The following TENT4A variants were observed in gnomAD, a reference collection of about 807,000 sequenced individuals.
TENT4A encodes DNA polymerase kappa.
TENT4A carries 7 observed loss-of-function variants against 72.8 expected under a neutral mutation model. The ratio of observed to expected loss-of-function variants is 0.10; its 90% CI spans 0.05 to 0.18. The LOEUF (loss-of-function observed/expected upper bound fraction) is 0.18, where lower values mean the gene tolerates loss of function less well. Ranked by LOEUF, TENT4A falls within the 10% of genes least tolerant of loss-of-function variation. The pLI, the probability that TENT4A is intolerant of heterozygous loss-of-function variation, is 1.00. For synonymous variants in TENT4A, 456 were observed against 434.3 expected, an observed-to-expected ratio of 1.05 and a Z score of -0.62; for missense variants, 831 against 1,017.7, an observed-to-expected ratio of 0.82 and a Z score of 2.50.
intron 1 of TENT4A, among the ~76,000 whole-genome samples, chr5:6,715,456 C>A (rs1198977495): frequency 6.6e-6 from 1 of 152,146 alleles, no homozygotes; most frequent in Non-Finnish European, 1.5e-5. Context: ...TGAGGCTGTT[C>A]AGGTGTGATG....
intron 4 of TENT4A, among the ~76,000 whole-genome samples, chr5:6,740,742 C>T (rs416689): frequency 0.36 from 55,088 of 152,090 alleles, 10,050 homozygotes; most frequent in South Asian, 0.45. Flanking sequence ...TGGACCAGAG[C>T]GAGCAGGCAG....
rs755913044 is a variant in TENT4A at position 6,748,555 on chromosome 5, G to A, written c.1551G>A (p.Pro517=). ...TAGTGCTCAGCCATGCTGTGTCACC[G>A]CTGGCCAGGTCCTATCCAAACAGAG... ...AYIVLSHAVS[P]LARSYPNRDA... The change falls in exon 8 of 13, where the codon CCG becomes CCA. Residue 517 remains proline (P), a synonymous_variant. Transcript: ENST00000230859. The A allele has an allele frequency of 4.7e-5, 76 of 1,613,922 alleles. No homozygotes were observed. Among genetic ancestry groups the A allele is most frequent in the East Asian group, 6.7e-5 (3 of 44,874 alleles).
chr5:6,747,331 G>A (rs543315825), intron 7 of TENT4A, among the ~76,000 whole-genome samples: 2 of 152,302 alleles, frequency 1.3e-5, no homozygotes, highest in East Asian at 3.9e-4. Context: ...TGCAAGGCCT[G>A]TGTGTGTCGG....
intron 1 of TENT4A, among the ~76,000 whole-genome samples, chr5:6,736,610 C>G (rs1290242607): frequency 6.6e-6 from 1 of 152,224 alleles, no homozygotes. Context: ...AGCACTTTTC[C>G]TGCAGTCATC....
chr5:6,744,092 G>T (rs1208367639), intron 6 of TENT4A, among the ~76,000 whole-genome samples: 2 of 152,208 alleles, frequency 1.3e-5, no homozygotes, highest in Non-Finnish European at 2.9e-5. Context: ...GTGCACATCA[G>T]TCCAAGCTCA....
At chr5:6,749,377 G>C (rs1362408635) in intron 8 of TENT4A, among the ~76,000 whole-genome samples, 180 bp from the exon 9 acceptor site, 1 of 152,210 alleles carries the variant, frequency 6.6e-6, no homozygotes, top group African/African-American at 2.4e-5. Context: ...CGATCCCAGG[G>C]TATGCTTGAG....
rs907951038 is a variant in TENT4A at position 6,722,455 on chromosome 5, G to T, written c.716+7756G>T. ...GTCTTGGGAGTGGGGGGCTAGAGGG[G>T]TGTTGTGAATTGAAAGATACCTTTC... On this transcript the variant is annotated intron_variant, in intron 1 of 12. Transcript: ENST00000230859. Among the ~76,000 whole-genome samples the T allele has an allele frequency of 5.9e-5, 9 of 151,992 alleles. 1 individual carries two copies. The highest frequency in any genetic ancestry group is 2.2e-4 in the African/African-American group (9 of 41,382).
intron 1 of TENT4A, among the ~76,000 whole-genome samples, chr5:6,731,542 CT>C (rs375328687): frequency 0.016 from 2,257 of 143,662 alleles, 13 homozygotes; most frequent in South Asian, 0.029. Context: ...GGTGCTGAAA[CT>C]TTTTTTTTTT....
intron 1 of TENT4A, among the ~76,000 whole-genome samples, chr5:6,733,072 C>A (rs779416921): frequency 2.0e-5 from 3 of 152,214 alleles, no homozygotes; most frequent in Non-Finnish European, 2.9e-5. Context: ...TCAGTTTGTC[C>A]GTTTAGCTCC....
chr5:6,728,091 C>G (rs1741025932), intron 1 of TENT4A, among the ~76,000 whole-genome samples: 1 of 152,168 alleles, frequency 6.6e-6, no homozygotes, highest in South Asian at 2.1e-4. Context: ...AAGGGGTTGA[C>G]TGTACGGAGG....
At chr5:6,737,855 C>T (rs28363345) in intron 2 of TENT4A, among the ~76,000 whole-genome samples, 3 of 150,506 alleles carry the variant, frequency 2.0e-5, no homozygotes, top group African/African-American at 2.4e-5. Flanking sequence ...CGCACATCTT[C>T]GTGATGCTGG....
intron 2 of TENT4A, 42 bp from the exon 3 acceptor site, chr5:6,738,641 G>T (rs774836385): frequency 2.1e-6 from 3 of 1,453,492 alleles, no homozygotes; most frequent in Non-Finnish European, 2.9e-6. Context: ...GTGACTGCTT[G>T]GTTTGTGGTA....
chr5:6,735,854 G>C (rs1172962275), intron 1 of TENT4A, among the ~76,000 whole-genome samples: 1 of 151,554 alleles, frequency 6.6e-6, no homozygotes, highest in Non-Finnish European at 1.5e-5. Flanking sequence ...TCTGCCTCCT[G>C]GGTTCAAGCG....
chr5:6,754,609 G>A (rs1742590029), intron 12 of TENT4A, 142 bp from the exon 13 acceptor site: 1 of 491,512 alleles, frequency 2.0e-6, no homozygotes, highest in South Asian at 5.1e-5. Context: ...TCAGATGGAG[G>A]AGTTGGGAAG....
chr5:6,751,465 C>T (rs28381421), intron 11 of TENT4A: 12,094 of 340,788 alleles, frequency 0.035, 213 homozygotes, highest in Non-Finnish European at 0.047. Context: ...TGCAAGTTTC[C>T]TCACTGCCCC....
At chr5:6,742,356 C>G in intron 4 of TENT4A, 134 bp from the exon 5 acceptor site, 1 of 623,562 alleles carries the variant, frequency 1.6e-6, no homozygotes, top group Non-Finnish European at 2.9e-6. Flanking sequence ...ACTACTGATG[C>G]TGACAGTGTT....
intron 2 of TENT4A, among the ~76,000 whole-genome samples, chr5:6,738,340 C>A (rs1478451531): frequency 6.6e-6 from 1 of 152,100 alleles, no homozygotes; most frequent in Non-Finnish European, 1.5e-5. Flanking sequence ...ACTTCAGAGT[C>A]CTAGGACAAA....
At chr5:6,749,532 G>C in intron 8 of TENT4A, 25 bp from the exon 9 acceptor site, 1 of 1,492,444 alleles carries the variant, frequency 6.7e-7, no homozygotes, top group South Asian at 1.1e-5. Context: ...GTACTCTGTT[G>C]ATCTCCAACA....
intron 1 of TENT4A, among the ~76,000 whole-genome samples, chr5:6,721,505 A>G (rs1370822486): frequency 6.6e-6 from 1 of 152,224 alleles, no homozygotes; most frequent in Non-Finnish European, 1.5e-5. Context: ...ATACCTAACT[A>G]TGAAAAGTTA....
Sources: gnomAD v4.1 joint callset for allele counts (sites outside exome capture counted in the v4.1 genomes callset) on GRCh38, gnomAD v4.1.1 for gene constraint, MANE v1.5 for transcripts, NCBI Gene and HGNC (gene_info 2026-07-23, HGNC 2026-07-21) for gene names.